The following ACVR2A variants were observed in gnomAD, a reference collection of about 807,000 sequenced individuals.
The protein encoded by ACVR2A is activin receptor type-2A.
A neutral mutation model predicts 61.4 loss-of-function variants in ACVR2A; 7 were observed. That is an observed-to-expected ratio of 0.11 (90% CI 0.06 to 0.21). The LOEUF (loss-of-function observed/expected upper bound fraction) is 0.21, where lower values mean the gene tolerates loss of function less well. ACVR2A is among the 10% of genes least tolerant of loss of function. ACVR2A has a pLI of 1.00. For synonymous variants in ACVR2A, 193 were observed against 208.3 expected, an observed-to-expected ratio of 0.93 and a Z score of 0.63; for missense variants, 322 against 621.7, an observed-to-expected ratio of 0.52 and a Z score of 5.13.
Position 147,929,707 on chromosome 2 carries a change from AG to A in ACVR2A, c.*2434del, listed in dbSNP as rs1406998777. The A allele has an allele frequency of 6.6e-6, 1 of 152,334 alleles. No homozygotes were observed. Among genetic ancestry groups the A allele is most frequent in the African/African-American group, 2.4e-5 (1 of 41,344 alleles). 9.4% of individuals were successfully genotyped at this position (152,334 alleles called of 1,614,324 possible). A position where few individuals can be genotyped will look rare whatever the true frequency, so the allele number is the denominator to read the frequency against. ...GTCAGTGCAGAGTGGGCAAGTTAACAGAAAGTTTGAGCTAGAGATACTGGAA... is the reference window on the plus strand; with the variant it reads ...GTCAGTGCAGAGTGGGCAAGTTAACAAAAGTTTGAGCTAGAGATACTGGAA... On this transcript the variant is annotated 3_prime_UTR_variant, in exon 11 of 11. Transcript: ENST00000241416.
chr2:147,901,914 A>G (rs908453255), intron 4 of ACVR2A, among the ~76,000 whole-genome samples: 1 of 151,974 alleles, frequency 6.6e-6, no homozygotes, highest in African/African-American at 2.4e-5. Context: ...GTTCTGCAAG[A>G]CCACTTCGTG....
At chr2:147,924,242 T>A (rs1687450253) in intron 9 of ACVR2A, among the ~76,000 whole-genome samples, 1 of 152,090 alleles carries the variant, frequency 6.6e-6, no homozygotes, top group African/African-American at 2.4e-5. Flanking sequence ...ATATATTTTA[T>A]AAGAACTTTA....
At chr2:147,918,391 T>G (rs1315185167) in intron 6 of ACVR2A, 56 bp from the exon 7 acceptor site, 5 of 1,502,602 alleles carry the variant, frequency 3.3e-6, no homozygotes, top group Non-Finnish European at 4.5e-6. Context: ...AAAAGTCTCC[T>G]TATACATATG....
At chr2:147,854,282 A>G (rs1020990850) in intron 1 of ACVR2A, among the ~76,000 whole-genome samples, 1 of 152,326 alleles carries the variant, frequency 6.6e-6, no homozygotes, top group Middle Eastern at 3.4e-3. Context: ...AGCATGCATT[A>G]AAAAGAAACA....
chr2:147,905,233 T>TA (rs1160342085), intron 4 of ACVR2A, among the ~76,000 whole-genome samples: 1 of 152,120 alleles, frequency 6.6e-6, no homozygotes. Flanking sequence ...TTATAAACTA[T>TA]AAACTATTCC....
chr2:147,847,025 G>T (rs1043965045), intron 1 of ACVR2A, among the ~76,000 whole-genome samples: 18 of 151,860 alleles, frequency 1.2e-4, no homozygotes, highest in African/African-American at 4.1e-4. Context: ...TCTTCTGCTT[G>T]GTTTGGTAGT....
chr2:147,923,598 G>T (rs1057371176), intron 9 of ACVR2A, among the ~76,000 whole-genome samples: 1 of 151,910 alleles, frequency 6.6e-6, no homozygotes, highest in South Asian at 2.1e-4. Context: ...ATAGATATTT[G>T]CTTTTATTTA....
intron 1 of ACVR2A, among the ~76,000 whole-genome samples, chr2:147,887,264 A>G (rs1485518215): frequency 1.3e-5 from 2 of 152,126 alleles, no homozygotes; most frequent in Admixed American, 1.3e-4. Flanking sequence ...TGATTAAAGA[A>G]TGTAATAGAT....
chr2:147,900,289 C>A (rs1311165119), intron 4 of ACVR2A: 1 of 159,122 alleles, frequency 6.3e-6, no homozygotes, highest in Admixed American at 6.4e-5. Flanking sequence ...GACCACTTGG[C>A]AAAACATTTT....
chr2:147,899,604 T>G, intron 3 of ACVR2A, 37 bp downstream of exon 3: 1 of 1,595,598 alleles, frequency 6.3e-7, no homozygotes, highest in African/African-American at 1.3e-5. Context: ...TTTGCTCAAC[T>G]GTAGATTGGA....
At chr2:147,891,005 G>T (rs1686569168) in intron 1 of ACVR2A, among the ~76,000 whole-genome samples, 1 of 152,054 alleles carries the variant, frequency 6.6e-6, no homozygotes, top group South Asian at 2.1e-4. Context: ...TTAAAAAATG[G>T]TGGAAATATC....
chr2:147,929,577 A>AAAC lies in ACVR2A; in HGVS notation c.*2304_*2306dup, dbSNP rs1274006778. On this transcript the variant is annotated 3_prime_UTR_variant, in exon 11 of 11. Coordinates refer to ENST00000241416, the MANE Select transcript of ACVR2A (RefSeq NM_001616.5). ...CTTTTGAGAACTATTATTAATAGAA[A>AAAC]AACTTTTTATAAGCAGTAAAATAAG... The AAAC allele has an allele frequency of 2.0e-5, 3 of 152,428 alleles. No individual in the cohort carries two copies. Among genetic ancestry groups the AAAC allele is most frequent in the South Asian group, 2.1e-4 (1 of 4,832 alleles). 9.4% of individuals were successfully genotyped at this position (152,428 alleles called of 1,614,324 possible).
chr2:147,925,498 CAT>C (rs1357150055), intron 9 of ACVR2A, among the ~76,000 whole-genome samples: 4 of 151,934 alleles, frequency 2.6e-5, no homozygotes, highest in Admixed American at 1.3e-4. Flanking sequence ...AAAAAATAAA[CAT>C]GTACTTTTTG....
chr2:147,892,565 A>C (rs1686614403), intron 1 of ACVR2A, among the ~76,000 whole-genome samples: 1 of 151,058 alleles, frequency 6.6e-6, no homozygotes, highest in Non-Finnish European at 1.5e-5. Context: ...TTAAATATTA[A>C]CTTATTTAAA....
chr2:147,916,722 A>G (rs1012324559), intron 5 of ACVR2A, among the ~76,000 whole-genome samples: 7 of 151,964 alleles, frequency 4.6e-5, no homozygotes, highest in Admixed American at 2.0e-4. Flanking sequence ...TACTTAGTAG[A>G]CATGGATTGC....
At chr2:147,853,793 T>C (rs1050314883) in intron 1 of ACVR2A, among the ~76,000 whole-genome samples, 6 of 152,068 alleles carry the variant, frequency 3.9e-5, no homozygotes, top group Admixed American at 3.9e-4. Flanking sequence ...AAATTTTTAT[T>C]TTAAAGGAAA....
chr2:147,923,158 CAT>C (rs1396223000), intron 9 of ACVR2A, 47 bp downstream of exon 9: 3 of 1,555,650 alleles, frequency 1.9e-6, no homozygotes, highest in South Asian at 2.5e-5. Context: ...GCCTACCACA[CAT>C]ATATGAAAAG....
intron 4 of ACVR2A, among the ~76,000 whole-genome samples, chr2:147,914,254 A>T (rs924696974): frequency 1.3e-5 from 2 of 151,890 alleles, no homozygotes; most frequent in African/African-American, 2.4e-5. Context: ...CAGCCCTCCA[A>T]ACCCTTCTGT....
At chr2:147,894,151 C>T (rs559257868) in intron 1 of ACVR2A, among the ~76,000 whole-genome samples, 12 of 152,204 alleles carry the variant, frequency 7.9e-5, no homozygotes, top group Non-Finnish European at 1.6e-4. Context: ...ATTGCCTTGA[C>T]ATCTTTTCTC....
Sources: allele counts gnomAD v4.1 joint callset (sites outside exome capture counted in the v4.1 genomes callset), GRCh38; gene constraint gnomAD v4.1.1; transcripts MANE v1.5; gene names NCBI Gene and HGNC (gene_info 2026-07-23, HGNC 2026-07-21).